Variants in ABHD3 observed in about 807,000 individuals in gnomAD.
ABHD3 encodes the protein abhydrolase domain containing 3, phospholipase.
ABHD3 carries 46 observed loss-of-function variants against 48.8 expected under a neutral mutation model. The ratio of observed to expected loss-of-function variants is 0.94; its 90% CI spans 0.74 to 1.20. The LOEUF is 1.20. ABHD3 is among the 50% of genes most tolerant of loss of function. ABHD3 has a pLI of 0.00. For synonymous variants in ABHD3, 192 were observed against 183.7 expected (o/e 1.04, Z -0.36); for missense variants, 490 against 497.8 (o/e 0.98, Z 0.15).
intron 5 of ABHD3, among the ~76,000 whole-genome samples, chr18:21,659,586 T>C (rs2054565131): frequency 6.6e-6 from 1 of 152,192 alleles, no homozygotes; most frequent in Non-Finnish European, 1.5e-5. Context: ...ATATGTATCC[T>C]ATGAAGTCAA....
chr18:21,667,267 G>A (rs1442677839), intron 4 of ABHD3, among the ~76,000 whole-genome samples: 3 of 113,380 alleles, frequency 2.6e-5, no homozygotes, highest in Non-Finnish European at 3.5e-5. Flanking sequence ...TTTTTGAGAC[G>A]GAGTTTCCCT....
chr18:21,699,765 C>A (rs1319839211), intron 3 of ABHD3, among the ~76,000 whole-genome samples: 1 of 152,168 alleles, frequency 6.6e-6, no homozygotes, highest in Non-Finnish European at 1.5e-5. Flanking sequence ...ACTGCAACCT[C>A]CGCCTCCCGG....
chr18:21,685,003 T>C (rs1032595236), intron 3 of ABHD3, among the ~76,000 whole-genome samples: 1 of 152,236 alleles, frequency 6.6e-6, no homozygotes, highest in Non-Finnish European at 1.5e-5. Flanking sequence ...GTAGTTGTAG[T>C]GTCGTGCTGG....
At chr18:21,689,926 G>C (rs1707248983) in intron 3 of ABHD3, among the ~76,000 whole-genome samples, 1 of 152,026 alleles carries the variant, frequency 6.6e-6, no homozygotes, top group African/African-American at 2.4e-5. Flanking sequence ...CTCTACAATG[G>C]ATCACTCAAA....
intron 3 of ABHD3, among the ~76,000 whole-genome samples, chr18:21,686,748 G>A (rs967650189): frequency 6.6e-6 from 1 of 152,226 alleles, no homozygotes; most frequent in Non-Finnish European, 1.5e-5. Context: ...TACAGAGGAC[G>A]GCAGAAAGAA....
At chr18:21,686,896 C>T (rs952271421) in intron 3 of ABHD3, among the ~76,000 whole-genome samples, 1 of 152,128 alleles carries the variant, frequency 6.6e-6, no homozygotes, top group African/African-American at 2.4e-5. Flanking sequence ...ATTCCTAAGG[C>T]ATTGAAAAAT....
chr18:21,680,876 GTGTGTA>G lies in ABHD3; in HGVS notation c.555+3038_555+3043del, dbSNP rs1377141976. ...AATGTGTGTGTGTGTGTGTGTGTGT[GTGTGTA>G]TATATATATACACACACACATATAT... On this transcript the variant is annotated intron_variant, in intron 4 of 8. Transcript: ENST00000289119. Among the ~76,000 whole-genome samples the G allele has an allele frequency of 2.7e-5, 4 of 150,648 alleles. No individual in the cohort carries two copies. In the Middle Eastern group the frequency reaches 0.01, roughly 392 times the overall value.
chr18:21,689,122 T>G (rs1380175967), intron 3 of ABHD3, among the ~76,000 whole-genome samples: 1 of 152,050 alleles, frequency 6.6e-6, no homozygotes, highest in Non-Finnish European at 1.5e-5. Flanking sequence ...ATGCAGAAAC[T>G]GAATGGGAGT....
Position 21,663,349 on chromosome 18 carries a change from T to C in ABHD3, c.668+769A>G, listed in dbSNP as rs566933250. On this transcript the variant is annotated intron_variant, in intron 5 of 8. Coordinates refer to ENST00000289119, the MANE Select transcript of ABHD3 (RefSeq NM_138340.5). ...AAAATATCATTTTCTATCTTCAGTA[T>C]TTGCTGATTTAAAAAACTAGTTTTG... 1.1e-4 allele frequency among the ~76,000 whole-genome samples: 16 copies of C among 152,186 alleles called. No individual in the cohort carries two copies. The East Asian group carries it at 3.1e-3, about 29-fold the overall frequency.
chr18:21,674,025 G>C (rs750211368), intron 4 of ABHD3, among the ~76,000 whole-genome samples: 46 of 152,228 alleles, frequency 3.0e-4, no homozygotes, highest in Non-Finnish European at 5.7e-4. Context: ...GCAGTGGTAA[G>C]AATGGTAAAA....
chr18:21,666,364 T>C (rs996087974), intron 4 of ABHD3, among the ~76,000 whole-genome samples: 3 of 152,202 alleles, frequency 2.0e-5, no homozygotes, highest in South Asian at 2.1e-4. Flanking sequence ...TGGCTAATTT[T>C]TGTATTTTTA....
chr18:21,669,692 C>T (rs1436392890), intron 4 of ABHD3, among the ~76,000 whole-genome samples: 1 of 152,210 alleles, frequency 6.6e-6, no homozygotes, highest in Admixed American at 6.5e-5. Flanking sequence ...CCCAACGCTT[C>T]TCCTAACTTC....
At chr18:21,666,289 G>T (rs1310236027) in intron 4 of ABHD3, among the ~76,000 whole-genome samples, 1 of 152,194 alleles carries the variant, frequency 6.6e-6, no homozygotes, top group African/African-American at 2.4e-5. Flanking sequence ...TGCCTCGCGG[G>T]TTCAAGCGAT....
chr18:21,657,088 A>G lies in ABHD3; in HGVS notation c.891+16T>C. 4 of 1,613,884 alleles carry G rather than the reference A, an allele frequency of 2.5e-6. No individual in the cohort carries two copies. The highest frequency in any genetic ancestry group is 3.4e-6 in the Non-Finnish European group (4 of 1,179,902). On this transcript the variant is annotated intron_variant, in intron 7 of 8. Transcript: ENST00000289119. ...AAAAGAAGAAATAAAAGTATTACATAAAGTTTCTCTCCTACCTTCATGACA... is the reference window on the plus strand; with the variant it reads ...AAAAGAAGAAATAAAAGTATTACATGAAGTTTCTCTCCTACCTTCATGACA...
chr18:21,703,952 A>C, intron 1 of ABHD3: 1 of 561,142 alleles, frequency 1.8e-6, no homozygotes, highest in Non-Finnish European at 3.2e-6. Flanking sequence ...GAATCGCGAT[A>C]AGGGAGTTTG....
chr18:21,702,830 G>A (rs1357436178), intron 2 of ABHD3, among the ~76,000 whole-genome samples: 5 of 152,202 alleles, frequency 3.3e-5, no homozygotes, highest in Non-Finnish European at 7.3e-5. Flanking sequence ...TAATGCGACA[G>A]GGAAGTCTGA....
intron 3 of ABHD3, among the ~76,000 whole-genome samples, chr18:21,700,392 A>G (rs936094550): frequency 1.7e-5 from 2 of 114,362 alleles, no homozygotes; most frequent in African/African-American, 3.5e-5. Flanking sequence ...ACCTGGCCCA[A>G]ATTTTTTTGT....
intron 2 of ABHD3, among the ~76,000 whole-genome samples, chr18:21,702,776 A>T (rs1158709865): frequency 6.6e-6 from 1 of 152,178 alleles, no homozygotes; most frequent in Non-Finnish European, 1.5e-5. Context: ...TCATTACTCC[A>T]AAACATCCAG....
At chr18:21,681,076 G>A (rs2039996556) in intron 4 of ABHD3, among the ~76,000 whole-genome samples, 1 of 151,814 alleles carries the variant, frequency 6.6e-6, no homozygotes, top group East Asian at 1.9e-4. Flanking sequence ...CACTCTACAC[G>A]TGCCCTAACT....
Sources: allele counts gnomAD v4.1 joint callset (sites outside exome capture counted in the v4.1 genomes callset), GRCh38; gene constraint gnomAD v4.1.1; transcripts MANE v1.5; gene names NCBI Gene and HGNC (gene_info 2026-07-23, HGNC 2026-07-21).